Variants in ST7 observed in about 807,000 individuals in gnomAD.
The protein encoded by ST7 is suppression of tumorigenicity 7, also known as suppressor of tumorigenicity 7 protein.
A neutral mutation model predicts 78.7 loss-of-function variants in ST7; 28 were observed. The ratio of observed to expected loss-of-function variants is 0.36; its 90% CI spans 0.26 to 0.49. The LOEUF (loss-of-function observed/expected upper bound fraction) is 0.49, where lower values mean the gene tolerates loss of function less well. Ranked by LOEUF, ST7 falls within the 20% of genes least tolerant of loss-of-function variation. ST7 has a pLI of 0.99. For synonymous variants in ST7, 247 were observed against 249.6 expected (o/e 0.99, Z 0.10); for missense variants, 418 against 696.0 (o/e 0.60, Z 4.49).
chr7:117,205,907 T>C lies in ST7; in HGVS notation c.1255-3880T>C, dbSNP rs1791709525. On this transcript the variant is annotated intron_variant, in intron 12 of 15. Coordinates refer to ENST00000323984, the MANE Select transcript of ST7 (RefSeq NM_001369598.1). ...ATTATAGATGGACAAAGCGTGTTCT[T>C]TGATTTGTGAGCTACAGTTATTCTA... Among the ~76,000 whole-genome samples, 10 of 152,340 alleles carry C rather than the reference T, an allele frequency of 6.6e-5. No homozygotes were observed. In the South Asian group the frequency reaches 2.1e-3, roughly 32 times the overall value.
intron 10 of ST7, among the ~76,000 whole-genome samples, chr7:117,183,439 A>G (rs1243009087): frequency 6.6e-6 from 1 of 151,598 alleles, no homozygotes. Context: ...AAAAAAAATT[A>G]TATATATATA....
chr7:117,118,286 A>C (rs1803060082), intron 2 of ST7: 1 of 152,358 alleles, frequency 6.6e-6, no homozygotes, highest in African/African-American at 2.4e-5. Context: ...CAAAATCCAA[A>C]ACATTTCTGG....
chr7:117,204,538 C>T (rs1257510116), intron 12 of ST7, among the ~76,000 whole-genome samples: 2 of 152,102 alleles, frequency 1.3e-5, no homozygotes, highest in African/African-American at 2.4e-5. Context: ...TCTCCATCAC[C>T]GCATGATCTG....
chr7:117,161,591 C>CTTTCT (rs1807153612), intron 9 of ST7, among the ~76,000 whole-genome samples: 1 of 113,594 alleles, frequency 8.8e-6, no homozygotes, highest in Non-Finnish European at 1.7e-5. Context: ...TTCTTTCTTT[C>CTTTCT]TTTTTTTTTT....
intron 1 of ST7, chr7:116,954,903 C>A: frequency 3.4e-6 from 1 of 292,424 alleles, no homozygotes; most frequent in Non-Finnish European, 6.8e-6. Flanking sequence ...AAACTTGTAC[C>A]TTTCAGATAC....
At chr7:116,986,602 T>C (rs866948476) in intron 1 of ST7, among the ~76,000 whole-genome samples, 2 of 152,178 alleles carry the variant, frequency 1.3e-5, no homozygotes, top group Non-Finnish European at 2.9e-5. Context: ...GCAGACAGCA[T>C]AAGTACCAAT....
intron 9 of ST7, among the ~76,000 whole-genome samples, chr7:117,159,835 G>A (rs571702350): frequency 8.3e-4 from 127 of 152,274 alleles, no homozygotes; most frequent in African/African-American, 3.0e-3. Flanking sequence ...GGAGGTTGCA[G>A]TGAGCCGAGA....
chr7:116,999,222 A>G (rs1249519592), intron 1 of ST7, among the ~76,000 whole-genome samples: 1 of 152,182 alleles, frequency 6.6e-6, no homozygotes, highest in Non-Finnish European at 1.5e-5. Context: ...AGGTACACGA[A>G]ATTGGAGAAC....
At chr7:117,151,839 G>T (rs574604649) in intron 9 of ST7, among the ~76,000 whole-genome samples, 120 of 152,120 alleles carry the variant, frequency 7.9e-4, no homozygotes, top group African/African-American at 2.7e-3. Context: ...ATGACCTCAG[G>T]CTGGGCATGG....
chr7:117,118,149 T>G (rs1488872814), intron 2 of ST7, among the ~76,000 whole-genome samples: 1 of 152,208 alleles, frequency 6.6e-6, no homozygotes, highest in Admixed American at 6.5e-5. Flanking sequence ...TGCTCCAAAA[T>G]CTGAAACTTT....
At chr7:117,225,736 A>T (rs1397902585) in intron 15 of ST7, among the ~76,000 whole-genome samples, 1 of 152,130 alleles carries the variant, frequency 6.6e-6, no homozygotes. Flanking sequence ...ATGCAGAGAG[A>T]TTGCACTGCC....
chr7:117,137,785 A>G (rs924972966), intron 8 of ST7, among the ~76,000 whole-genome samples: 3 of 152,202 alleles, frequency 2.0e-5, no homozygotes, highest in African/African-American at 7.2e-5. Context: ...CATATAATTA[A>G]ATAAAAGATT....
rs543397655 is a variant in ST7 at position 117,087,032 on chromosome 7, A to G, written c.152-12730A>G. On this transcript the variant is annotated intron_variant, in intron 1 of 15. Coordinates refer to ENST00000323984, the MANE Select transcript of ST7 (RefSeq NM_001369598.1). ...CAGGGGAAGACAGCCTTCTTAATGCAGCTTGCAGCAGGCCTTCTTTTGCGG... is the reference window on the plus strand; with the variant it reads ...CAGGGGAAGACAGCCTTCTTAATGCGGCTTGCAGCAGGCCTTCTTTTGCGG... Among the ~76,000 whole-genome samples the G allele has an allele frequency of 2.0e-5, 3 of 152,330 alleles. No homozygotes were observed. The South Asian group carries it at 6.2e-4, about 32-fold the overall frequency.
intron 1 of ST7, among the ~76,000 whole-genome samples, chr7:117,027,963 G>T (rs1796294820): frequency 6.6e-6 from 1 of 152,026 alleles, no homozygotes; most frequent in African/African-American, 2.4e-5. Flanking sequence ...GGGCTTGTAG[G>T]GTGTTAATAT....
intron 8 of ST7, chr7:117,136,505 T>A: frequency 1.8e-6 from 1 of 563,554 alleles, no homozygotes; most frequent in Admixed American, 3.4e-5. Context: ...AATAGTAACC[T>A]TTTTTCCTCC....
intron 3 of ST7, among the ~76,000 whole-genome samples, chr7:117,129,468 A>G (rs1361061137): frequency 6.6e-6 from 1 of 151,894 alleles, no homozygotes; most frequent in Non-Finnish European, 1.5e-5. Flanking sequence ...TTTTATCTAT[A>G]AGGTTTTAGA....
chr7:117,039,607 A>G (rs1563033736), intron 1 of ST7, among the ~76,000 whole-genome samples: 1 of 151,850 alleles, frequency 6.6e-6, no homozygotes. Flanking sequence ...TTTTATCCAA[A>G]CTCTGAATTT....
At chr7:117,052,777 C>T (rs1797851419) in intron 1 of ST7, among the ~76,000 whole-genome samples, 1 of 152,204 alleles carries the variant, frequency 6.6e-6, no homozygotes, top group Admixed American at 6.5e-5. Flanking sequence ...GTCTGTAGTC[C>T]CAGCTACTCA....
chr7:117,099,065 A>C (rs768866405), intron 1 of ST7, among the ~76,000 whole-genome samples: 115 of 108,340 alleles, frequency 1.1e-3, no homozygotes, highest in South Asian at 6.3e-3. Context: ...AAAAAAAAAA[A>C]CAAAAAAAAA....
Sources: allele counts gnomAD v4.1 joint callset (sites outside exome capture counted in the v4.1 genomes callset), GRCh38; gene constraint gnomAD v4.1.1; transcripts MANE v1.5; gene names NCBI Gene and HGNC (gene_info 2026-07-23, HGNC 2026-07-21).